Variants in DPY19L1 observed in about 807,000 individuals in gnomAD.
DPY19L1 encodes dpy-19 like C-mannosyltransferase 1.
DPY19L1 carries 35 observed loss-of-function variants against 96.9 expected under a neutral mutation model. The observed-to-expected ratio is 0.36, with a 90% CI of 0.28 to 0.48. The LOEUF (loss-of-function observed/expected upper bound fraction) is 0.48. DPY19L1 is among the 20% of genes least tolerant of loss of function. The pLI, the probability that DPY19L1 is intolerant of heterozygous loss-of-function variation, is 0.99. For synonymous variants in DPY19L1, 205 were observed against 252.6 expected (o/e 0.81, Z 1.79); for missense variants, 521 against 777.9 (o/e 0.67, Z 3.93).
chr7:35,034,182 T>C (rs1039231506), intron 1 of DPY19L1, among the ~76,000 whole-genome samples: 2 of 152,214 alleles, frequency 1.3e-5, no homozygotes, highest in Non-Finnish European at 2.9e-5. Flanking sequence ...TTGTTGTGTA[T>C]ATAGTATCTC....
intron 1 of DPY19L1, among the ~76,000 whole-genome samples, chr7:35,032,080 T>C (rs1786273354): frequency 6.6e-6 from 1 of 152,204 alleles, no homozygotes; most frequent in Admixed American, 6.5e-5. Flanking sequence ...CTACTTGTTG[T>C]TCCTGTATCT....
chr7:35,013,479 A>G, intron 4 of DPY19L1, 89 bp downstream of exon 4: 1 of 993,384 alleles, frequency 1.0e-6, no homozygotes, highest in African/African-American at 1.7e-5. Flanking sequence ...AATTTAATAT[A>G]TTGAATTATA....
At chr7:35,011,147 T>G (rs1394921176) in intron 5 of DPY19L1, among the ~76,000 whole-genome samples, 183 bp downstream of exon 5, 2 of 152,194 alleles carry the variant, frequency 1.3e-5, no homozygotes, top group Non-Finnish European at 2.9e-5. Flanking sequence ...CAGAGGTCCC[T>G]GAAATCATGG....
intron 1 of DPY19L1, among the ~76,000 whole-genome samples, chr7:35,035,917 G>A (rs551711737): frequency 2.1e-5 from 3 of 146,170 alleles, no homozygotes; most frequent in African/African-American, 2.5e-5. Context: ...TAAAAAAAAA[G>A]GGGGCGGGGG....
intron 6 of DPY19L1, among the ~76,000 whole-genome samples, chr7:34,996,500 G>A (rs1018758703): frequency 3.9e-5 from 6 of 151,990 alleles, no homozygotes; most frequent in South Asian, 4.2e-4. Context: ...GCTTCCCCTG[G>A]AGCCTCCCTC....
chr7:35,037,808 C>T (rs1402146835), upstream of DPY19L1: 2 of 1,223,414 alleles, frequency 1.6e-6, no homozygotes, highest in Non-Finnish European at 2.0e-6. Context: ...TGGCGCCCGG[C>T]TACCCACACC....
At chr7:34,997,101 A>T (rs1465133707) in intron 6 of DPY19L1, among the ~76,000 whole-genome samples, 1 of 152,156 alleles carries the variant, frequency 6.6e-6, no homozygotes, top group Admixed American at 6.5e-5. Flanking sequence ...GAGTAGACAG[A>T]AGTGTCATTT....
At chr7:35,036,523 C>A (rs1399925596) in intron 1 of DPY19L1, among the ~76,000 whole-genome samples, 1 of 151,866 alleles carries the variant, frequency 6.6e-6, no homozygotes, top group Admixed American at 6.6e-5. Flanking sequence ...AGGATTAAGG[C>A]TCGGGCGCCC....
chr7:34,956,108 T>C (rs539009524), intron 11 of DPY19L1, among the ~76,000 whole-genome samples: 9 of 152,186 alleles, frequency 5.9e-5, no homozygotes, highest in Non-Finnish European at 1.2e-4. Context: ...CACACCTCAG[T>C]GTGAAGCATC....
rs183325559 is a variant in DPY19L1, at chr7:35,036,514, G to A, written c.298+583C>T. On this transcript the variant is annotated intron_variant, in intron 1 of 21. Transcript: ENST00000638088. ...CCAAAGGTTCCAAGGGCAGCAGGGA[G>A]GATTAAGGCTCGGGCGCCCCAAACA... is the stretch of plus-strand genomic sequence containing the variant. Among the ~76,000 whole-genome samples the A allele has an allele frequency of 1.1e-3, 161 of 152,100 alleles. 1 individual carries two copies. Among genetic ancestry groups the A allele is most frequent in the Non-Finnish European group, 2.0e-3 (135 of 67,978 alleles).
chr7:34,975,510 C>G (rs1271890626), intron 7 of DPY19L1, among the ~76,000 whole-genome samples: 1 of 152,152 alleles, frequency 6.6e-6, no homozygotes, highest in Non-Finnish European at 1.5e-5. Context: ...GATAAAAGTA[C>G]AAGGTACAAC....
chr7:35,001,899 GC>G (rs1221934855), intron 6 of DPY19L1, among the ~76,000 whole-genome samples: 23 of 152,070 alleles, frequency 1.5e-4, no homozygotes, highest in African/African-American at 5.3e-4. Context: ...GCTGAGGCGG[GC>G]GGATCACCAG....
At position 34,940,205 on chromosome 7, in the gene DPY19L1, G is replaced by T; in HGVS notation, c.1812C>A (p.Ser604Arg). Residue 604 changes from serine to arginine, a missense_variant, in exon 19 of 22, where the codon AGC (serine) becomes AGA (arginine). By Grantham distance (110) the Ser-to-Arg change is moderately radical. Coordinates refer to ENST00000638088, the MANE Select transcript of DPY19L1 (RefSeq NM_001366673.1). ...QTQWNIVGEF[S>R]NLPQEELIEW... ...CTATAAGTTCTTCTTGGGGCAAATT[G>T]CTGAACTCCCCTACAATATTCCACT... 6.2e-7 allele frequency: 1 copy of T among 1,603,540 alleles called. No homozygotes were observed.
At position 34,940,409 on chromosome 7, in the gene DPY19L1, A is replaced by C. The variant is rs980231509; in HGVS notation, c.1690-82T>G. 4 of 1,203,692 alleles carry C rather than the reference A, an allele frequency of 3.3e-6. No individual in the cohort carries two copies. In the African/African-American group the frequency reaches 4.6e-5, roughly 14 times the overall value. 74.6% of individuals were successfully genotyped at this position (1,203,692 alleles called of 1,614,324 possible). ...TATGCAAAACTTCTTCCCAGAGAAGAATAAGGCCTCTGCTAGAGTCCCAAA... is the reference window on the plus strand; with the variant it reads ...TATGCAAAACTTCTTCCCAGAGAAGCATAAGGCCTCTGCTAGAGTCCCAAA... On this transcript the variant is annotated intron_variant, in intron 18 of 21. Transcript: ENST00000638088.
chr7:34,995,285 T>C (rs1283052433), intron 6 of DPY19L1, among the ~76,000 whole-genome samples: 3 of 151,876 alleles, frequency 2.0e-5, no homozygotes, highest in Non-Finnish European at 4.4e-5. Flanking sequence ...CTCCCCACTA[T>C]AGTTGATCAG....
intron 6 of DPY19L1, among the ~76,000 whole-genome samples, chr7:35,005,138 A>G (rs1325180477): frequency 6.6e-6 from 1 of 152,124 alleles, no homozygotes; most frequent in Non-Finnish European, 1.5e-5. Flanking sequence ...CTCTTATTTT[A>G]GGCAAAGGAA....
chr7:34,986,843 C>G (rs1267785845), intron 7 of DPY19L1, among the ~76,000 whole-genome samples: 2 of 151,874 alleles, frequency 1.3e-5, no homozygotes, highest in Non-Finnish European at 2.9e-5. Context: ...CGGGGGCAAT[C>G]CTTTCATTTA....
At chr7:34,949,248 T>C (rs756240600) in intron 14 of DPY19L1, among the ~76,000 whole-genome samples, 6 of 152,182 alleles carry the variant, frequency 3.9e-5, no homozygotes, top group Non-Finnish European at 8.8e-5. Context: ...ACAATATCTG[T>C]TTATGGCATG....
chr7:34,982,806 C>G (rs1562815874), intron 7 of DPY19L1, among the ~76,000 whole-genome samples: 1 of 152,172 alleles, frequency 6.6e-6, no homozygotes. Context: ...ACACATGAAT[C>G]TGGCAGATAA....
Sources: allele counts gnomAD v4.1 joint callset (sites outside exome capture counted in the v4.1 genomes callset), GRCh38; gene constraint gnomAD v4.1.1; transcripts MANE v1.5; gene names NCBI Gene and HGNC (gene_info 2026-07-23, HGNC 2026-07-21).